ENTPD5: variants seen among roughly 807,000 people sequenced by gnomAD.
ENTPD5 encodes ectonucleoside triphosphate diphosphohydrolase 5 (inactive).
In ENTPD5, 49 loss-of-function variants were observed where a neutral mutation model predicts 60.2. The observed-to-expected ratio is 0.81, with a 90% CI of 0.65 to 1.03. ENTPD5 has a LOEUF of 1.03. Among genes scored for constraint, ENTPD5 ranks in the 50% least tolerant of loss-of-function variants. The pLI, the probability that ENTPD5 is intolerant of heterozygous loss-of-function variation, is 0.00. For missense variants in ENTPD5, 480 were observed against 507.6 expected (o/e 0.95, Z 0.52); for synonymous variants, 187 against 185.4 (o/e 1.01, Z -0.07).
intron 1 of ENTPD5, 135 bp from the exon 2 acceptor site, chr14:74,016,065 A>T (rs1260824471): frequency 6.6e-6 from 1 of 152,226 alleles, no homozygotes; most frequent in Non-Finnish European, 1.5e-5. Flanking sequence ...TTCATAGTAA[A>T]GGCACCTACC....
chr14:74,005,290 GA>G (rs1208704873), intron 3 of ENTPD5, among the ~76,000 whole-genome samples: 2 of 107,192 alleles, frequency 1.9e-5, no homozygotes, highest in Non-Finnish European at 1.9e-5. Context: ...AAGAAAAAAA[GA>G]AAAAAAGAAA....
At chr14:73,985,898 C>T (rs1236389036) in intron 5 of ENTPD5, among the ~76,000 whole-genome samples, 1 of 151,600 alleles carries the variant, frequency 6.6e-6, no homozygotes, top group African/African-American at 2.4e-5. Flanking sequence ...ATAGTGAAAC[C>T]CCGTCTCTAC....
Position 74,004,889 on chromosome 14 carries a change from G to A in ENTPD5, c.-71+6202C>T, listed in dbSNP as rs554854440. 2.6e-5 allele frequency among the ~76,000 whole-genome samples: 4 copies of A among 152,268 alleles called. No individual in the cohort carries two copies. The South Asian group carries it at 6.2e-4, about 24-fold the overall frequency. ...GGACTACACAAAGGCATGAATATTA[G>A]GAGGTGAGCATCACTGGGGGGCATC... On this transcript the variant is annotated intron_variant, in intron 3 of 15. Coordinates refer to ENST00000334696, the MANE Select transcript of ENTPD5 (RefSeq NM_001249.5).
At chr14:73,960,683 G>A, downstream of ENTPD5, 1 of 711,256 alleles carries the variant, frequency 1.4e-6, no homozygotes, top group Non-Finnish European at 1.8e-6. Context: ...AAGTAAGGAA[G>A]ACCGTAAATG....
At chr14:73,967,510 A>G (rs1279701197) in intron 15 of ENTPD5, among the ~76,000 whole-genome samples, 5 of 152,194 alleles carry the variant, frequency 3.3e-5, no homozygotes, top group African/African-American at 9.7e-5. Context: ...AAGCACTAAT[A>G]ATAACCAAAC....
chr14:73,994,501 G>C (rs947079621), intron 3 of ENTPD5, among the ~76,000 whole-genome samples: 3 of 151,714 alleles, frequency 2.0e-5, no homozygotes, highest in African/African-American at 7.3e-5. Context: ...TTGGGAGGCC[G>C]AGGTGGGTGG....
At chr14:73,955,869 A>G, downstream of ENTPD5, 3 of 1,614,176 alleles carry the variant, frequency 1.9e-6, no homozygotes, top group Non-Finnish European at 2.5e-6. Context: ...GACATGGGCT[A>G]TATCGTGGAG....
At chr14:74,010,573 G>C (rs1165357184) in intron 3 of ENTPD5, among the ~76,000 whole-genome samples, 1 of 151,788 alleles carries the variant, frequency 6.6e-6, no homozygotes, top group Non-Finnish European at 1.5e-5. Flanking sequence ...AAAATAAAAA[G>C]TGTTTCCATT....
chr14:73,984,680 CTTTTT>C (rs1194952306), intron 5 of ENTPD5, among the ~76,000 whole-genome samples: 2 of 151,418 alleles, frequency 1.3e-5, no homozygotes, highest in African/African-American at 4.9e-5. Flanking sequence ...CCTAATTTTT[CTTTTT>C]TAATTATTTA....
downstream of ENTPD5, chr14:73,961,233 G>A (rs756845757): frequency 1.2e-6 from 2 of 1,614,130 alleles, no homozygotes; most frequent in South Asian, 2.2e-5. Flanking sequence ...GCAGTATGCT[G>A]TCAGCCTTCT....
At chr14:73,983,498 C>G (rs955076360) in intron 5 of ENTPD5, among the ~76,000 whole-genome samples, 1 of 151,744 alleles carries the variant, frequency 6.6e-6, no homozygotes. Flanking sequence ...GTGGCACACA[C>G]CTGTAGTCTC....
intron 3 of ENTPD5, chr14:73,996,348 T>A: frequency 4.5e-6 from 1 of 222,628 alleles, no homozygotes; most frequent in Non-Finnish European, 7.5e-6. Flanking sequence ...CATAGTTAAC[T>A]TCCAACTAGT....
At chr14:73,961,620 C>T, downstream of ENTPD5, 1 of 1,606,412 alleles carries the variant, frequency 6.2e-7, no homozygotes, top group Non-Finnish European at 8.5e-7. Context: ...TATAGTTAGG[C>T]AAGATCAGGG....
At chr14:73,977,132 T>C (rs2057477094) in intron 7 of ENTPD5, 73 bp from the exon 8 acceptor site, 2 of 1,464,836 alleles carry the variant, frequency 1.4e-6, no homozygotes, top group Admixed American at 1.9e-5. Flanking sequence ...CTTGTTTTTT[T>C]TTTTTCCTCT....
Position 73,983,150 on chromosome 14 carries a change from G to A in ENTPD5, c.309C>T (p.Thr103=), listed in dbSNP as rs150134014. ...FVDQPKQGAE[T]VQGLLEVAKD... is the part of the protein sequence containing the mutation. ...TGGCCACCTCTAAGAGCCCTTGAAC[G>A]GTCTCAGCACCCTTCAAAAGAGATA... The change falls in exon 6 of 16, where the codon ACC becomes ACT. Residue 103 remains threonine (T), a synonymous_variant. Coordinates refer to ENST00000334696, the MANE Select transcript of ENTPD5 (RefSeq NM_001249.5). The A allele has an allele frequency of 1.1e-4, 178 of 1,613,582 alleles. No homozygotes were observed. In the African/African-American group the frequency reaches 1.2e-3, roughly 11 times the overall value.
chr14:73,979,672 C>T (rs1040961417), intron 6 of ENTPD5, among the ~76,000 whole-genome samples: 2 of 152,018 alleles, frequency 1.3e-5, no homozygotes, highest in African/African-American at 4.8e-5. Flanking sequence ...GGGGTTTCAC[C>T]GTGTTAGCCA....
At chr14:73,989,441 T>G (rs1414706112) in intron 3 of ENTPD5, among the ~76,000 whole-genome samples, 1 of 149,062 alleles carries the variant, frequency 6.7e-6, no homozygotes, top group Non-Finnish European at 1.5e-5. Flanking sequence ...CTCATGCCTG[T>G]AATCCCAGTA....
chr14:73,996,800 G>A (rs1466590744), intron 3 of ENTPD5: 1 of 152,190 alleles, frequency 6.6e-6, no homozygotes, highest in Non-Finnish European at 1.5e-5. Context: ...AAAATTATCT[G>A]GGCATGGTGG....
intron 2 of ENTPD5, among the ~76,000 whole-genome samples, chr14:74,014,948 G>A (rs1405153127): frequency 6.6e-6 from 1 of 152,060 alleles, no homozygotes; most frequent in East Asian, 1.9e-4. Flanking sequence ...CGGGCATGGT[G>A]GCAGGCATCT....
Sources: allele counts gnomAD v4.1 joint callset (sites outside exome capture counted in the v4.1 genomes callset), GRCh38; gene constraint gnomAD v4.1.1; transcripts MANE v1.5; gene names NCBI Gene and HGNC (gene_info 2026-07-23, HGNC 2026-07-21).